The following CEP112 variants were observed in gnomAD, a reference collection of about 807,000 sequenced individuals.
CEP112 encodes the protein centrosomal protein of 112 kDa.
CEP112 carries 127 observed loss-of-function variants against 153.0 expected under a neutral mutation model. That is an observed-to-expected ratio of 0.83 (90% CI 0.72 to 0.96). The LOEUF is 0.96. Ranked by LOEUF, CEP112 falls within the 40% of genes least tolerant of loss-of-function variation. The pLI, the probability that CEP112 is intolerant of heterozygous loss-of-function variation, is 0.00. For synonymous variants in CEP112, 358 were observed against 374.4 expected, an observed-to-expected ratio of 0.96 and a Z score of 0.51; for missense variants, 1,089 against 1,101.2, an observed-to-expected ratio of 0.99 and a Z score of 0.16.
rs533311081 is a variant in CEP112, at chr17:65,742,937, G to C, written c.2607+131C>G. The C allele has an allele frequency of 3.0e-4, 192 of 643,478 alleles. 3 individuals carry two copies. The South Asian group carries it at 3.8e-3, about 13-fold the overall frequency. The allele number at this position is 643,478 out of a possible 1,614,324, so 39.9% of individuals were successfully genotyped here. ...GGATACATCAAAGGTAGAGTCCAGT[G>C]AATGGAATTACTGCAGGCTGTGTGA... On this transcript the variant is annotated intron_variant, in intron 23 of 26. Transcript: ENST00000535342.
chr17:65,687,271 A>G (rs2047852381), intron 24 of CEP112, among the ~76,000 whole-genome samples: 1 of 146,664 alleles, frequency 6.8e-6, no homozygotes, highest in Non-Finnish European at 1.5e-5. Flanking sequence ...AGTTCAAGCA[A>G]TTCTCCTGCC....
Position 65,939,246 on chromosome 17 carries a change from C to T in CEP112, c.1873-11557G>A, listed in dbSNP as rs967708512. On this transcript the variant is annotated intron_variant, in intron 18 of 26. Transcript: ENST00000535342. ...CCAATGAAAAAAATTAAGGAAAACA[C>T]GGGTAGAAACATATCCTGTGTTCTC... 6.6e-5 allele frequency among the ~76,000 whole-genome samples: 10 copies of T among 152,042 alleles called. 1 individual carries two copies. Among genetic ancestry groups the T allele is most frequent in the Non-Finnish European group, 7.4e-5 (5 of 68,010 alleles).
intron 10 of CEP112, among the ~76,000 whole-genome samples, chr17:66,065,628 T>A (rs999638152): frequency 8.7e-6 from 1 of 115,524 alleles, no homozygotes; most frequent in Non-Finnish European, 1.7e-5. Context: ...TATTTTAAAA[T>A]CTTTTTTTTT....
chr17:65,761,309 T>C (rs937194351), intron 21 of CEP112, among the ~76,000 whole-genome samples: 1 of 152,020 alleles, frequency 6.6e-6, no homozygotes, highest in Non-Finnish European at 1.5e-5. Flanking sequence ...AGACAGGGTC[T>C]CACTATGTTG....
intron 6 of CEP112, among the ~76,000 whole-genome samples, chr17:66,109,757 T>A (rs944991192): frequency 6.6e-6 from 1 of 152,160 alleles, no homozygotes; most frequent in Non-Finnish European, 1.5e-5. Context: ...AGGGTTTTTG[T>A]AAAACTTATA....
At chr17:66,057,403 G>A (rs1429686522) in intron 11 of CEP112, among the ~76,000 whole-genome samples, 1 of 152,156 alleles carries the variant, frequency 6.6e-6, no homozygotes, top group Non-Finnish European at 1.5e-5. Context: ...CCATGGGATA[G>A]GCATCTCCAT....
intron 2 of CEP112, among the ~76,000 whole-genome samples, chr17:66,177,536 G>C (rs995750948): frequency 7.1e-6 from 1 of 141,810 alleles, no homozygotes; most frequent in Non-Finnish European, 1.6e-5. Flanking sequence ...GGATAAATCG[G>C]GTATCTATCC....
At chr17:65,789,789 T>C (rs1038420763) in intron 21 of CEP112, among the ~76,000 whole-genome samples, 5 of 152,216 alleles carry the variant, frequency 3.3e-5, no homozygotes, top group African/African-American at 1.2e-4. Context: ...TTGCTTATTA[T>C]ATTAAAATTA....
At chr17:65,756,718 C>T (rs1048135649) in intron 21 of CEP112, among the ~76,000 whole-genome samples, 4 of 151,964 alleles carry the variant, frequency 2.6e-5, no homozygotes, top group Admixed American at 6.6e-5. Flanking sequence ...GCCCAAGAAG[C>T]GGGTGAATAG....
intron 21 of CEP112, among the ~76,000 whole-genome samples, chr17:65,779,193 C>G (rs10083837): frequency 0.53 from 80,403 of 152,032 alleles, 23,129 homozygotes; most frequent in Non-Finnish European, 0.66. Flanking sequence ...AAACATTGTA[C>G]TAAACAATAA....
At chr17:66,088,231 C>T (rs2068012952) in intron 8 of CEP112, among the ~76,000 whole-genome samples, 1 of 151,586 alleles carries the variant, frequency 6.6e-6, no homozygotes, top group African/African-American at 2.4e-5. Context: ...GGCCAGTACC[C>T]ACAGACTGAG....
chr17:65,971,393 A>AT (rs2062790608), intron 17 of CEP112, among the ~76,000 whole-genome samples: 1 of 66,494 alleles, frequency 1.5e-5, no homozygotes, highest in African/African-American at 4.7e-5. Flanking sequence ...GCATGTATAT[A>AT]GCATGTATAT....
Position 65,863,749 on chromosome 17 carries a change from C to CAAA in CEP112, c.2164-11718_2164-11716dup, listed in dbSNP as rs397949072. The stretch of plus-strand genomic sequence containing the variant: ...TGGGTGACAGAGCAAGACTCTGTCT[C>CAAA]AAAAAAAAAAAGAAAAAAAAAAGAA... On this transcript the variant is annotated intron_variant, in intron 20 of 26. Coordinates refer to ENST00000535342, the MANE Select transcript of CEP112 (RefSeq NM_001199165.4). Among the ~76,000 whole-genome samples, 17 of 125,642 alleles carry CAAA rather than the reference C, an allele frequency of 1.4e-4. No individual in the cohort carries two copies. In the East Asian group the frequency reaches 2.1e-3, roughly 15 times the overall value. 82.4% of individuals were successfully genotyped at this position (125,642 alleles called of 152,430 possible). A position where few individuals can be genotyped will look rare whatever the true frequency, so the allele number is the denominator to read the frequency against.
At chr17:65,869,795 C>T (rs1292677426) in intron 20 of CEP112, among the ~76,000 whole-genome samples, 1 of 151,800 alleles carries the variant, frequency 6.6e-6, no homozygotes, top group African/African-American at 2.4e-5. Context: ...CCGTGTTAGC[C>T]AGGATGGTCT....
intron 24 of CEP112, among the ~76,000 whole-genome samples, chr17:65,676,163 C>A (rs1204263815): frequency 1.3e-5 from 2 of 151,686 alleles, no homozygotes; most frequent in Non-Finnish European, 2.9e-5. Flanking sequence ...ATGGTGAAAC[C>A]CCATCTCTAC....
intron 23 of CEP112, among the ~76,000 whole-genome samples, chr17:65,712,742 G>C (rs183355660): frequency 4.2e-4 from 64 of 152,288 alleles, no homozygotes; most frequent in Middle Eastern, 6.8e-3. Flanking sequence ...GGTTAGAACT[G>C]TCTGGGTCCT....
intron 6 of CEP112, among the ~76,000 whole-genome samples, chr17:66,121,622 A>T (rs956957478): frequency 1.3e-5 from 2 of 151,918 alleles, no homozygotes; most frequent in Admixed American, 6.6e-5. Context: ...TGCCAGTTCA[A>T]ATCTATTGCT....
intron 4 of CEP112, among the ~76,000 whole-genome samples, chr17:66,167,846 T>G (rs2072045707): frequency 6.6e-6 from 1 of 152,120 alleles, no homozygotes; most frequent in South Asian, 2.1e-4. Context: ...ATAGAGAGGA[T>G]TCAATCTGAT....
rs373495503 is a variant in CEP112 at position 65,637,659 on chromosome 17, C to T, written c.2800-471G>A. 1.8e-4 allele frequency among the ~76,000 whole-genome samples: 28 copies of T among 152,316 alleles called. 1 individual carries two copies. In the South Asian group the frequency reaches 4.3e-3, roughly 24 times the overall value. ...GCCTCCTAGCCCCAGGCAAAGCCAG[C>T]GGTCCCCTCCTCTGTGTTCCTCCCC... is the stretch of plus-strand genomic sequence containing the variant. On this transcript the variant is annotated intron_variant, in intron 25 of 26. Coordinates refer to ENST00000535342, the MANE Select transcript of CEP112 (RefSeq NM_001199165.4).
Sources: allele counts gnomAD v4.1 joint callset (sites outside exome capture counted in the v4.1 genomes callset), GRCh38; gene constraint gnomAD v4.1.1; transcripts MANE v1.5; gene names NCBI Gene and HGNC (gene_info 2026-07-23, HGNC 2026-07-21).